Variants in CNFN observed in about 807,000 individuals in gnomAD.
The protein encoded by CNFN is cornifelin.
In CNFN, 10 loss-of-function variants were observed where a neutral mutation model predicts 14.9. The ratio of observed to expected loss-of-function variants is 0.67; its 90% CI spans 0.41 to 1.14. CNFN has a LOEUF of 1.14. Ranked by LOEUF, CNFN falls within the 50% of genes most tolerant of loss-of-function variation. The pLI is 0.00. For missense variants in CNFN, 165 were observed against 152.8 expected, an observed-to-expected ratio of 1.08 and a Z score of -0.42; for synonymous variants, 66 against 60.0, an observed-to-expected ratio of 1.10 and a Z score of -0.46.
chr19:42,387,162 G>C lies in CNFN; in HGVS notation c.330C>G (p.Ile110Met), dbSNP rs563560857. ...AAGACAGGGAACTTCCTTACTCTCG[G>C]ATCTTCAGTTCCCGCGCCATCTGGC... ...ALCQMARELK[I>M]RE is the part of the protein sequence containing the mutation. The change falls in exon 4 of 4, where the codon ATC (isoleucine) becomes ATG (methionine). Residue 110 changes from isoleucine (I) to methionine (M), a missense_variant. Coordinates refer to ENST00000222032, the MANE Select transcript of CNFN (RefSeq NM_032488.4). 3.8e-5 allele frequency: 61 copies of C among 1,614,078 alleles called. 1 individual carries two copies. In the South Asian group the frequency reaches 6.5e-4, roughly 17 times the overall value.
chr19:42,388,053 T>C (rs1214641689), intron 2 of CNFN, among the ~76,000 whole-genome samples: 1 of 149,438 alleles, frequency 6.7e-6, no homozygotes, highest in Non-Finnish European at 1.5e-5. Context: ...AAAGTCTCGG[T>C]CTGTCATCCA....
intron 1 of CNFN, chr19:42,389,671 C>G: frequency 2.2e-6 from 1 of 456,962 alleles, no homozygotes; most frequent in Non-Finnish European, 4.0e-6. Flanking sequence ...GGGAGGGGAG[C>G]TGGGGAGAAA....
Position 42,389,507 on chromosome 19 carries a change from C to T in CNFN, c.-2-468G>A, listed in dbSNP as rs1287889896. On this transcript the variant is annotated intron_variant, in intron 1 of 3. Coordinates refer to ENST00000222032, the MANE Select transcript of CNFN (RefSeq NM_032488.4). ...GTCCCACCTTTGCCTTTCACGTTGT[C>T]GTGCATCTCAAACTGCATCTTGCTG... 9.3e-6 allele frequency: 12 copies of T among 1,290,386 alleles called. No homozygotes were observed. In the East Asian group the frequency reaches 2.2e-4, roughly 24 times the overall value. 79.9% of individuals were successfully genotyped at this position (1,290,386 alleles called of 1,614,324 possible).
At chr19:42,389,426 CA>C in intron 1 of CNFN, 1 of 1,260,940 alleles carries the variant, frequency 7.9e-7, no homozygotes, top group Non-Finnish European at 1.0e-6. Flanking sequence ...CAAGGGTGCC[CA>C]GGGGAGGGAG....
chr19:42,389,638 GCAC>G, intron 1 of CNFN: 1 of 419,860 alleles, frequency 2.4e-6, no homozygotes, highest in Non-Finnish European at 4.2e-6. Context: ...AGGGACTGGG[GCAC>G]TGGGGGCTGG....
intron 2 of CNFN, among the ~76,000 whole-genome samples, chr19:42,388,157 G>T (rs1422583512): frequency 2.6e-5 from 4 of 151,882 alleles, no homozygotes; most frequent in Non-Finnish European, 4.4e-5. Flanking sequence ...GAGTAGCTGG[G>T]ACTACTGGTG....
chr19:42,387,458 G>A lies in CNFN; in HGVS notation c.131C>T (p.Ala44Val). ...DMPVCLCGTF[A>V]PLCLACRISD... is the part of the protein sequence containing the mutation. ...GATGCGGCAGGCAAGGCACAGAGGA[G>A]CAAAAGTGCCGCACAGACCTGGGCG... Residue 44 changes from alanine to valine, a missense_variant, in exon 3 of 4, where the codon GCT becomes GTT. Coordinates refer to ENST00000222032, the MANE Select transcript of CNFN (RefSeq NM_032488.4). 1.3e-6 allele frequency: 2 copies of A among 1,590,336 alleles called. No individual in the cohort carries two copies. The highest frequency in any genetic ancestry group is 8.5e-7 in the Non-Finnish European group (1 of 1,170,476).
At position 42,387,350 on chromosome 19, in the gene CNFN, T is replaced by C. The variant is rs773601628; in HGVS notation, c.239A>G (p.Tyr80Cys). 1.9e-6 allele frequency: 3 copies of C among 1,596,878 alleles called. No homozygotes were observed. The highest frequency in any genetic ancestry group is 2.2e-5 in the South Asian group (2 of 89,300). The change falls in exon 3 of 4, where the codon TAC becomes TGC. Residue 80 changes from tyrosine (Y) to cysteine (C), a missense_variant. Physicochemically the swap from Tyr to Cys is radical, Grantham distance 194. Transcript: ENST00000222032. ...HSIRTGMRER[Y>C]HIQGSVGHDW... ...CAGCCCGGCGCGCACCTGGATGTGGTAGCGCTCCCGCATGCCGGTGCGGAT... is the reference window on the plus strand; with the variant it reads ...CAGCCCGGCGCGCACCTGGATGTGGCAGCGCTCCCGCATGCCGGTGCGGAT...
chr19:42,389,216 A>T (rs2039879660), intron 1 of CNFN, among the ~76,000 whole-genome samples, 177 bp from the exon 2 acceptor site: 2 of 152,168 alleles, frequency 1.3e-5, no homozygotes, highest in Admixed American at 1.3e-4. Flanking sequence ...CGGCAACCCC[A>T]GTCTGTCCCT....
In CNFN at chr19:42,387,441, A is replaced by T. The variant is rs763394104; in HGVS notation, c.148T>A (p.Cys50Ser). ...TCGCCAAAGTCGTCGGAGATGCGGC[A>T]GGCAAGGCACAGAGGAGCAAAAGTG... ...CGTFAPLCLACRISDDFGECC... is the reference protein window; with the variant it reads ...CGTFAPLCLASRISDDFGECC... Residue 50 changes from cysteine to serine, a missense_variant, in exon 3 of 4, where the codon TGC becomes AGC. Coordinates refer to ENST00000222032, the MANE Select transcript of CNFN (RefSeq NM_032488.4). 6.3e-7 allele frequency: 1 copy of T among 1,598,138 alleles called. No individual in the cohort carries two copies. Among genetic ancestry groups the T allele is most frequent in the Non-Finnish European group, 8.5e-7 (1 of 1,174,030 alleles).
At position 42,389,697 on chromosome 19, in the gene CNFN, T is replaced by C. The variant is rs76102216; in HGVS notation, c.-3+543A>G. On this transcript the variant is annotated intron_variant, in intron 1 of 3. Transcript: ENST00000222032. Reference sequence around the variant, plus strand: ...TGGGGAGAAAGAGGCCAAGTCAGCCTGTCAACCAGGAGAGACATGGAATAG... The same window carrying C: ...TGGGGAGAAAGAGGCCAAGTCAGCCCGTCAACCAGGAGAGACATGGAATAG... 792 of 425,788 alleles carry C rather than the reference T, an allele frequency of 1.9e-3. 4 individuals are homozygous for C. Among genetic ancestry groups the C allele is most frequent in the African/African-American group, 0.015 (720 of 49,196 alleles). 26.4% of individuals were successfully genotyped at this position (425,788 alleles called of 1,614,324 possible). A position where few individuals can be genotyped will look rare whatever the true frequency, so the allele number is the denominator to read the frequency against.
chr19:42,387,563 G>C, intron 2 of CNFN, 87 bp from the exon 3 acceptor site: 2 of 1,000,030 alleles, frequency 2.0e-6, no homozygotes, highest in Non-Finnish European at 2.9e-6. Flanking sequence ...GATTCGCCGC[G>C]GAGGGGCATT....
chr19:42,387,041 G>C lies in CNFN; in HGVS notation c.*112C>G. On this transcript the variant is annotated 3_prime_UTR_variant, in exon 4 of 4. Coordinates refer to ENST00000222032, the MANE Select transcript of CNFN (RefSeq NM_032488.4). ...GAGTTGGTTTTCAGGTTTTTATTGT[G>C]GGTGTATTTCTGGCAGCGGGACAGG... The C allele has an allele frequency of 9.6e-7, 1 of 1,039,796 alleles. No individual in the cohort carries two copies. Among genetic ancestry groups the C allele is most frequent in the Non-Finnish European group, 1.5e-6 (1 of 678,364 alleles). The allele number at this position is 1,039,796 out of a possible 1,614,324, so 64.4% of individuals were successfully genotyped here. A position where few individuals can be genotyped will look rare whatever the true frequency, so the allele number is the denominator to read the frequency against.
Position 42,387,451 on chromosome 19 carries a change from C to A in CNFN, c.138G>T (p.Leu46=). Residue 46 remains leucine (L), a synonymous_variant, in exon 3 of 4, where the codon CTG becomes CTT. Coordinates refer to ENST00000222032, the MANE Select transcript of CNFN (RefSeq NM_032488.4). ...PVCLCGTFAP[L]CLACRISDDF... is the part of the protein sequence containing the mutation. ...CGTCGGAGATGCGGCAGGCAAGGCA[C>A]AGAGGAGCAAAAGTGCCGCACAGAC... The A allele has an allele frequency of 6.3e-7, 1 of 1,594,188 alleles. No individual in the cohort carries two copies. Among genetic ancestry groups the A allele is most frequent in the Non-Finnish European group, 8.5e-7 (1 of 1,172,252 alleles).
At chr19:42,390,004 C>T (rs1704140189) in intron 1 of CNFN, among the ~76,000 whole-genome samples, 2 of 152,236 alleles carry the variant, frequency 1.3e-5, no homozygotes. Flanking sequence ...TCTGACGGCC[C>T]AGGCCAAGGG....
chr19:42,388,929 C>T lies in CNFN; in HGVS notation c.109G>A (p.Val37Ile). ...GAGGGAGCAGGCAGGCACTCACAGA[C>T]AGGCATGTCGTTGCAGCAGTCCGTG... ...GLTDCCNDMP[V>I]CLCGTFAPLC... is the part of the protein sequence containing the mutation. Residue 37 changes from valine to isoleucine, a missense_variant, in exon 2 of 4, where the codon GTC becomes ATC. Physicochemically the swap from Val to Ile is conservative, Grantham distance 29. Coordinates refer to ENST00000222032, the MANE Select transcript of CNFN (RefSeq NM_032488.4). 2 of 1,611,332 alleles carry T rather than the reference C, an allele frequency of 1.2e-6. No homozygotes were observed. Among genetic ancestry groups the T allele is most frequent in the Non-Finnish European group, 1.7e-6 (2 of 1,178,222 alleles).
In CNFN at chr19:42,387,482, C is replaced by T; in HGVS notation, c.113-6G>A. The T allele has an allele frequency of 1.9e-6, 3 of 1,560,888 alleles. No individual in the cohort carries two copies. The highest frequency in any genetic ancestry group is 1.7e-6 in the Non-Finnish European group (2 of 1,155,616). On this transcript the variant is annotated splice_polypyrimidine_tract_variant and splice_region_variant and intron_variant, in intron 2 of 3. Coordinates refer to ENST00000222032, the MANE Select transcript of CNFN (RefSeq NM_032488.4). ...AGCAAAAGTGCCGCACAGACCTGGG[C>T]GGGGCGCAGGCGCTCAGGGGCGGGG...
At position 42,387,153 on chromosome 19, in the gene CNFN, T is replaced by C; in HGVS notation, c.339A>G (p.Ter113=). Residue 113 remains the stop codon, a stop_retained_variant, in exon 4 of 4, where the codon TAA becomes TAG. Coordinates refer to ENST00000222032, the MANE Select transcript of CNFN (RefSeq NM_032488.4). ...AGGACGGGGAAGACAGGGAACTTCC[T>C]TACTCTCGGATCTTCAGTTCCCGCG... ...QMARELKIRE[*] is the part of the protein sequence containing the mutation. The C allele has an allele frequency of 6.2e-7, 1 of 1,614,154 alleles. No individual in the cohort carries two copies. The highest frequency in any genetic ancestry group is 8.5e-7 in the Non-Finnish European group (1 of 1,179,978).
chr19:42,387,124 G>A lies in CNFN; in HGVS notation c.*29C>T. ...GAGAAGGCCAGAGGCGAGACTGGTG[G>A]AAAAGGACGGGGAAGACAGGGAACT... On this transcript the variant is annotated 3_prime_UTR_variant, in exon 4 of 4. Transcript: ENST00000222032. The A allele has an allele frequency of 6.2e-7, 1 of 1,611,916 alleles. No individual in the cohort carries two copies. The highest frequency in any genetic ancestry group is 8.5e-7 in the Non-Finnish European group (1 of 1,178,048).
Sources: allele counts gnomAD v4.1 joint callset (sites outside exome capture counted in the v4.1 genomes callset), GRCh38; gene constraint gnomAD v4.1.1; transcripts MANE v1.5; gene names NCBI Gene and HGNC (gene_info 2026-07-23, HGNC 2026-07-21).